The following PKD2L1 variants were observed in gnomAD, a reference collection of about 807,000 sequenced individuals.
The protein encoded by PKD2L1 is polycystin 2 like 1, transient receptor potential cation channel.
A neutral mutation model predicts 93.0 loss-of-function variants in PKD2L1; 77 were observed. That is an observed-to-expected ratio of 0.83 (90% CI 0.69 to 1.00). The LOEUF (loss-of-function observed/expected upper bound fraction) is 1.00. Ranked by LOEUF, PKD2L1 falls within the 50% of genes least tolerant of loss-of-function variation. The probability of loss-of-function intolerance (pLI) is 0.00; values close to 1 mark genes in which losing one functional copy is unlikely to be tolerated. For synonymous variants in PKD2L1, 390 were observed against 388.0 expected (o/e 1.01, Z -0.06); for missense variants, 977 against 990.9 (o/e 0.99, Z 0.19).
intron 2 of PKD2L1, among the ~76,000 whole-genome samples, chr10:100,314,704 T>C (rs1589676401): frequency 6.7e-6 from 1 of 149,154 alleles, no homozygotes; most frequent in East Asian, 1.9e-4. Context: ...GAAGCTTCTT[T>C]ATCTAAAATT....
rs535230194 is a variant in PKD2L1 at position 100,315,215 on chromosome 10, G to A, written c.349+13996C>T. On this transcript the variant is annotated intron_variant, in intron 2 of 15. Coordinates refer to ENST00000318222, the MANE Select transcript of PKD2L1 (RefSeq NM_016112.3). ...TTATTTTATTTTACTTTAAGTTCTG[G>A]GGTACATGTGCAGAACGTGCAGGTT... is the stretch of plus-strand genomic sequence containing the variant. Among the ~76,000 whole-genome samples the A allele has an allele frequency of 1.0e-3, 154 of 152,114 alleles. 1 individual carries two copies. The highest frequency in any genetic ancestry group is 3.4e-3 in the African/African-American group (140 of 41,482).
intron 2 of PKD2L1, among the ~76,000 whole-genome samples, chr10:100,310,459 T>C (rs951256383): frequency 2.0e-5 from 3 of 152,248 alleles, no homozygotes; most frequent in African/African-American, 7.2e-5. Flanking sequence ...GCAAGTCAAC[T>C]GATGATGATA....
At chr10:100,289,121 T>C in intron 14 of PKD2L1, 65 bp from the exon 15 acceptor site, 1 of 1,173,576 alleles carries the variant, frequency 8.5e-7, no homozygotes, top group Non-Finnish European at 1.2e-6. Context: ...TTCTTTTCTC[T>C]CTATCTGATT....
rs146666601 is a variant in PKD2L1, at chr10:100,295,012, C to A, written c.1468G>T (p.Ala490Ser). ...FAVMFFIVFF[A>S]YAQLGYLLFG... ...AGCAGGTAGCCGAGTTGGGCATAGG[C>A]GAAGAAAACAATGAAGAACATGACG... is the stretch of plus-strand genomic sequence containing the variant. The change falls in exon 8 of 16, where the codon GCC becomes TCC. Residue 490 changes from alanine to serine, a missense_variant. Physicochemically the swap from Ala to Ser is moderately conservative, Grantham distance 99 (BLOSUM62 1). Transcript: ENST00000318222. 3.1e-6 allele frequency: 5 copies of A among 1,613,978 alleles called. No individual in the cohort carries two copies. The African/African-American group carries it at 4.0e-5, about 13-fold the overall frequency.
chr10:100,293,517 C>A, intron 9 of PKD2L1, 138 bp from the exon 10 acceptor site: 1 of 636,076 alleles, frequency 1.6e-6, no homozygotes, highest in East Asian at 2.8e-5. Flanking sequence ...CCCATCAATC[C>A]CTGCCTCTCA....
rs764548161 is a variant in PKD2L1 at position 100,297,637 on chromosome 10, C to G, written c.732-31G>C. On this transcript the variant is annotated intron_variant, in intron 4 of 15. Transcript: ENST00000318222. ...ACAGAAAATGCCAGCTGAGCCAGCCCAAAAGTTCATCTCCCAAGGCAATGG... is the reference window on the plus strand; with the variant it reads ...ACAGAAAATGCCAGCTGAGCCAGCCGAAAAGTTCATCTCCCAAGGCAATGG... 1.4e-5 allele frequency: 21 copies of G among 1,549,700 alleles called. No individual in the cohort carries two copies. The South Asian group carries it at 2.1e-4, about 16-fold the overall frequency.
In PKD2L1 at chr10:100,293,051, G is replaced by C; in HGVS notation, c.1777C>G (p.Leu593Val). 6.2e-7 allele frequency: 1 copy of C among 1,614,112 alleles called. No homozygotes were observed. The highest frequency in any genetic ancestry group is 2.2e-5 in the East Asian group (1 of 44,878). ...LLKQGYNKTL[L>V]RLRLRKERVS... ...CTCTCCTTCCTCAGACGCAGTCTTA[G>C]TAGGGTCTTGTTGTAGCCCTGAAAG... Residue 593 changes from leucine (L) to valine (V), a missense_variant, in exon 11 of 16, where the codon CTA becomes GTA. Physicochemically the swap from Leu to Val is conservative, Grantham distance 32. Transcript: ENST00000318222.
chr10:100,318,587 C>T (rs1355301171), intron 2 of PKD2L1, among the ~76,000 whole-genome samples: 22 of 150,308 alleles, frequency 1.5e-4, no homozygotes, highest in Non-Finnish European at 2.8e-4. Flanking sequence ...GGCGTGATCT[C>T]GGCTCACTGC....
Position 100,295,111 on chromosome 10 carries a change from T to G in PKD2L1, c.1369A>C (p.Ile457Leu). 6.2e-7 allele frequency: 1 copy of G among 1,613,612 alleles called. No homozygotes were observed. Among genetic ancestry groups the G allele is most frequent in the Non-Finnish European group, 8.5e-7 (1 of 1,179,708 alleles). The stretch of plus-strand genomic sequence containing the variant: ...TGGGTCATGGTTTTGTTGAAGCTGA[T>G]GTACTTGAATATCTGGAAGGACCAT... ...FFAWIKIFKY[I>L]SFNKTMTQLS... Residue 457 changes from isoleucine to leucine, a missense_variant, in exon 8 of 16, where the codon ATC becomes CTC. Transcript: ENST00000318222.
At chr10:100,293,129 C>T (rs1488403012) in intron 10 of PKD2L1, 60 bp from the exon 11 acceptor site, 1 of 1,594,682 alleles carries the variant, frequency 6.3e-7, no homozygotes, top group Non-Finnish European at 8.6e-7. Flanking sequence ...CCCTGGCCCC[C>T]AGCCCCACCC....
rs778129022 is a variant in PKD2L1, at chr10:100,329,891, G to C, written c.213C>G (p.Leu71=). The C allele has an allele frequency of 6.2e-7, 1 of 1,610,574 alleles. No individual in the cohort carries two copies. Among genetic ancestry groups the C allele is most frequent in the South Asian group, 1.1e-5 (1 of 90,910 alleles). The change falls in exon 1 of 16, where the codon CTC becomes CTG. Residue 71 remains leucine, a synonymous_variant. Transcript: ENST00000318222. ...AYRTQVSSCC[L]HICQGIRGLW... is the part of the protein sequence containing the mutation. ...TACCTCTGATGCCTTGACAGATATG[G>C]AGGCAGCAGCTGGACACCTGGGTCC...
At position 100,298,591 on chromosome 10, in the gene PKD2L1, T is replaced by C. The variant is rs757396282; in HGVS notation, c.702A>G (p.Gln234=). ...YDVYSPDKEE[Q]LPFGPFNGTA... ...TGCCATTGAAGGGCCCAAAGGGGAG[T>C]TGTTCTTCTTTGTCTGGAGAGTAGA... The change falls in exon 4 of 16, where the codon CAA becomes CAG. Residue 234 remains glutamine, a synonymous_variant. Transcript: ENST00000318222. 3 of 1,613,468 alleles carry C rather than the reference T, an allele frequency of 1.9e-6. No homozygotes were observed. The highest frequency in any genetic ancestry group is 2.7e-5 in the African/African-American group (2 of 74,664).
chr10:100,314,838 C>A (rs1849027186), intron 2 of PKD2L1, among the ~76,000 whole-genome samples: 1 of 151,714 alleles, frequency 6.6e-6, no homozygotes. Context: ...AGTTCAAGAC[C>A]AGCCTGGCCA....
Position 100,289,851 on chromosome 10 carries a change from C to T in PKD2L1, c.2250+164G>A, listed in dbSNP as rs781561443. ...AGGGCAAGCAACTTCCAGGCCTTAT[C>T]TCCATGACCCATCTCTGCTGATACA... On this transcript the variant is annotated intron_variant, in intron 14 of 15. Transcript: ENST00000318222. Among the ~76,000 whole-genome samples the T allele has an allele frequency of 5.9e-5, 9 of 152,210 alleles. No homozygotes were observed. In the South Asian group the frequency reaches 1.5e-3, roughly 25 times the overall value.
At chr10:100,319,001 G>A (rs1404640555) in intron 2 of PKD2L1, among the ~76,000 whole-genome samples, 2 of 151,592 alleles carry the variant, frequency 1.3e-5, no homozygotes, top group African/African-American at 2.4e-5. Flanking sequence ...ACACACCGCT[G>A]TGCCCATCTG....
At chr10:100,310,082 T>G (rs1162565154) in intron 2 of PKD2L1, among the ~76,000 whole-genome samples, 1 of 152,092 alleles carries the variant, frequency 6.6e-6, no homozygotes, top group Non-Finnish European at 1.5e-5. Context: ...ACCTGTAATC[T>G]CAGAAATTTG....
At chr10:100,317,066 T>C in intron 2 of PKD2L1, among the ~76,000 whole-genome samples, 1 of 151,670 alleles carries the variant, frequency 6.6e-6, no homozygotes, top group South Asian at 2.1e-4. Flanking sequence ...GCAGCCTGGG[T>C]GACAGAGCTG....
intron 2 of PKD2L1, among the ~76,000 whole-genome samples, chr10:100,326,419 G>A (rs1383281549): frequency 6.6e-6 from 1 of 152,150 alleles, no homozygotes; most frequent in African/African-American, 2.4e-5. Flanking sequence ...TCTTCCCAGA[G>A]ACTTTCTTTC....
At chr10:100,316,885 G>A (rs551348658) in intron 2 of PKD2L1, among the ~76,000 whole-genome samples, 6 of 152,096 alleles carry the variant, frequency 3.9e-5, no homozygotes, top group South Asian at 2.1e-4. Flanking sequence ...TCAGGAGTTC[G>A]AGTCCAGCCT....
Sources: allele counts gnomAD v4.1 joint callset (sites outside exome capture counted in the v4.1 genomes callset), GRCh38; gene constraint gnomAD v4.1.1; transcripts MANE v1.5; gene names NCBI Gene and HGNC (gene_info 2026-07-23, HGNC 2026-07-21).